The following LYZL4 variants were observed in gnomAD, a reference collection of about 807,000 sequenced individuals.
LYZL4 encodes lysozyme like 4.
A neutral mutation model predicts 17.6 loss-of-function variants in LYZL4; 13 were observed. The observed-to-expected ratio is 0.74, with a 90% CI of 0.48 to 1.18. The LOEUF is 1.18. LYZL4 is among the 50% of genes most tolerant of loss of function. The pLI, the probability that LYZL4 is intolerant of heterozygous loss-of-function variation, is 0.00. For missense variants in LYZL4, 174 were observed against 188.2 expected (o/e 0.92, Z 0.44); for synonymous variants, 64 against 67.7 (o/e 0.95, Z 0.27).
chr3:42,373,506 T>C, the LYZL4 span, among the ~76,000 whole-genome samples: 1 of 152,300 alleles, frequency 6.6e-6, no homozygotes, highest in East Asian at 1.9e-4. Flanking sequence ...CAGCTCTTAG[T>C]ACAAGCTGTT....
the LYZL4 span, among the ~76,000 whole-genome samples, chr3:42,390,857 T>C: frequency 6.6e-6 from 1 of 152,272 alleles, no homozygotes; most frequent in African/African-American, 2.4e-5. Context: ...GTGAGTTACT[T>C]TGGAACAAGA....
At chr3:42,369,223 CT>C in the LYZL4 span, among the ~76,000 whole-genome samples, 3 of 146,446 alleles carry the variant, frequency 2.0e-5, no homozygotes, top group East Asian at 5.8e-4. Context: ...TAACTTCCTA[CT>C]TTTTTCCTAT....
chr3:42,384,361 G>C, the LYZL4 span, among the ~76,000 whole-genome samples: 1 of 152,066 alleles, frequency 6.6e-6, no homozygotes, highest in African/African-American at 2.4e-5. Context: ...AGAAAGAAGG[G>C]ATAGGCTCTG....
the LYZL4 span, among the ~76,000 whole-genome samples, chr3:42,389,681 A>T: frequency 1.3e-5 from 2 of 152,178 alleles, no homozygotes; most frequent in South Asian, 4.1e-4. Context: ...TGTGAACTAG[A>T]TGTTCTCTGA....
At chr3:42,364,269 G>A in the LYZL4 span, among the ~76,000 whole-genome samples, 1 of 151,650 alleles carries the variant, frequency 6.6e-6, no homozygotes, top group Non-Finnish European at 1.5e-5. Context: ...GCAATGGGGT[G>A]TCCTACAACC....
At chr3:42,405,140 C>T (rs906113421) in intron 3 of LYZL4, among the ~76,000 whole-genome samples, 1 of 152,188 alleles carries the variant, frequency 6.6e-6, no homozygotes, top group Non-Finnish European at 1.5e-5. Flanking sequence ...GCTCCGCCTC[C>T]CAGGTTCACG....
At chr3:42,373,893 T>A in the LYZL4 span, among the ~76,000 whole-genome samples, 2 of 152,170 alleles carry the variant, frequency 1.3e-5, no homozygotes, top group South Asian at 4.1e-4. Context: ...AATACATGTA[T>A]ATATTTGCTA....
At chr3:42,395,921 T>G (rs1169942116), downstream of LYZL4, among the ~76,000 whole-genome samples, 3 of 151,726 alleles carry the variant, frequency 2.0e-5, no homozygotes, top group African/African-American at 7.3e-5. Flanking sequence ...ATTAGCCAGG[T>G]GTTGTTGGTG....
chr3:42,388,962 C>T, the LYZL4 span, among the ~76,000 whole-genome samples: 2 of 152,182 alleles, frequency 1.3e-5, no homozygotes, highest in African/African-American at 2.4e-5. Context: ...GGCCTATGTG[C>T]CTTGCCAAGA....
chr3:42,368,098 A>AGG, the LYZL4 span, among the ~76,000 whole-genome samples: 1 of 148,152 alleles, frequency 6.7e-6, no homozygotes, highest in Non-Finnish European at 1.5e-5. Context: ...CCCACATTCC[A>AGG]ACACAGGCAG....
At chr3:42,381,410 T>A in the LYZL4 span, among the ~76,000 whole-genome samples, 2 of 152,226 alleles carry the variant, frequency 1.3e-5, no homozygotes, top group African/African-American at 4.8e-5. Flanking sequence ...TATTTTAAAA[T>A]TTCACTTAAA....
At chr3:42,389,254 T>C in the LYZL4 span, among the ~76,000 whole-genome samples, 2 of 152,202 alleles carry the variant, frequency 1.3e-5, no homozygotes, top group Admixed American at 6.5e-5. Flanking sequence ...TGACAGAAAC[T>C]GTTCTGGACA....
the LYZL4 span, among the ~76,000 whole-genome samples, chr3:42,382,283 C>T: frequency 6.6e-6 from 1 of 152,258 alleles, no homozygotes; most frequent in Admixed American, 6.5e-5. Flanking sequence ...ATAGAATGTG[C>T]TAAATTAGGC....
the LYZL4 span, among the ~76,000 whole-genome samples, chr3:42,378,978 A>C: frequency 6.6e-6 from 1 of 152,102 alleles, no homozygotes; most frequent in African/African-American, 2.4e-5. Context: ...TTAAGTGCTT[A>C]ATCTCTGTGC....
At chr3:42,390,798 A>G in the LYZL4 span, among the ~76,000 whole-genome samples, 6 of 152,190 alleles carry the variant, frequency 3.9e-5, no homozygotes, top group African/African-American at 7.2e-5. Context: ...CCCTTGGCTG[A>G]TACCATGGGA....
intron 4 of LYZL4, among the ~76,000 whole-genome samples, chr3:42,401,377 A>AT (rs1273794456): frequency 6.6e-6 from 1 of 151,658 alleles, no homozygotes; most frequent in Admixed American, 6.6e-5. Context: ...CGCCCGGCTA[A>AT]TTTTTGCATT....
chr3:42,372,717 C>G, the LYZL4 span, among the ~76,000 whole-genome samples: 5 of 152,348 alleles, frequency 3.3e-5, no homozygotes, highest in African/African-American at 1.2e-4. Context: ...ACAACTTGCT[C>G]TTTGCAACAG....
chr3:42,403,214 G>A lies in LYZL4; in HGVS notation c.371+832C>T, dbSNP rs533639139. On this transcript the variant is annotated intron_variant, in intron 4 of 4. Transcript: ENST00000287748. ...ATAACAAACATGGGGGGAAACACCC[G>A]AATGGGATATGATAAAAGACAAAAG... is the stretch of plus-strand genomic sequence containing the variant. Among the ~76,000 whole-genome samples the A allele has an allele frequency of 6.0e-5, 9 of 150,156 alleles. No individual in the cohort carries two copies. In the South Asian group the frequency reaches 8.4e-4, roughly 14 times the overall value.
intron 4 of LYZL4, among the ~76,000 whole-genome samples, chr3:42,399,031 T>A (rs1228516587): frequency 6.6e-6 from 1 of 151,882 alleles, no homozygotes; most frequent in African/African-American, 2.4e-5. Context: ...AATAGAAAAA[T>A]GGACTAAGAA....
Sources: allele counts gnomAD v4.1 joint callset (sites outside exome capture counted in the v4.1 genomes callset), GRCh38; gene constraint gnomAD v4.1.1; transcripts MANE v1.5; gene names NCBI Gene and HGNC (gene_info 2026-07-23, HGNC 2026-07-21).